Variants in ALG9 observed in about 807,000 individuals in gnomAD.
ALG9 encodes the protein ALG9 alpha-1,2-mannosyltransferase.
Under a neutral mutation model 81.8 loss-of-function variants are expected in ALG9, and 55 were observed. The observed-to-expected ratio is 0.67, with a 90% confidence interval of 0.54 to 0.84. The LOEUF is 0.84. ALG9 is among the 40% of genes least tolerant of loss of function. ALG9 has a pLI of 0.00. For synonymous variants in ALG9, 278 were observed against 274.3 expected (o/e 1.01, Z -0.13); for missense variants, 629 against 745.0 (o/e 0.84, Z 1.81).
At chr11:111,860,199 G>A (rs913161044) in intron 5 of ALG9, among the ~76,000 whole-genome samples, 3 of 152,150 alleles carry the variant, frequency 2.0e-5, no homozygotes, top group Non-Finnish European at 4.4e-5. Flanking sequence ...GAGGTGGGTG[G>A]TTGATGCAAG....
intron 1 of ALG9, 72 bp downstream of exon 1, chr11:111,871,280 C>A: frequency 1.3e-5 from 18 of 1,363,166 alleles, no homozygotes; most frequent in Non-Finnish European, 1.7e-5. Context: ...CGCGCCACAG[C>A]TAAGACCCTC....
At chr11:111,844,830 C>A in intron 8 of ALG9, 107 bp from the exon 9 acceptor site, 1 of 1,275,120 alleles carries the variant, frequency 7.8e-7, no homozygotes, top group Non-Finnish European at 1.1e-6. Context: ...GATCCTATGC[C>A]TCATGGGAAT....
rs782188015 is a variant in ALG9, at chr11:111,853,740, T to C, written c.702-4A>G. 6 of 1,612,164 alleles carry C rather than the reference T, an allele frequency of 3.7e-6. No individual in the cohort carries two copies. Among genetic ancestry groups the C allele is most frequent in the Middle Eastern group, 1.7e-4 (1 of 6,058 alleles). ...CAAATCAAAGGCAATGGGTAAACTA[T>C]TTAACAGAGAAACAGAGCGGGGAGT... On this transcript the variant is annotated splice_region_variant and splice_polypyrimidine_tract_variant and intron_variant, in intron 6 of 14. Coordinates refer to ENST00000616540, the MANE Select transcript of ALG9 (RefSeq NM_024740.2).
At chr11:111,788,931 CATT>C (rs1946913417) in intron 14 of ALG9, among the ~76,000 whole-genome samples, 1 of 152,020 alleles carries the variant, frequency 6.6e-6, no homozygotes, top group African/African-American at 2.4e-5. Flanking sequence ...TTAATATAGT[CATT>C]GTATATTTCT....
chr11:111,871,256 C>G (rs1315843764), intron 1 of ALG9, 96 bp downstream of exon 1: 28 of 1,329,066 alleles, frequency 2.1e-5, no homozygotes, highest in Non-Finnish European at 2.6e-5. Context: ...GAGGCCAGGC[C>G]GGACTGAGCC....
chr11:111,778,247 C>A (rs1300789893), downstream of ALG9: 1 of 152,114 alleles, frequency 6.6e-6, no homozygotes, highest in South Asian at 2.1e-4. Flanking sequence ...AAGGGCAAGT[C>A]GGCCTGCTCA....
chr11:111,821,252 A>G (rs2136580242), intron 13 of ALG9, among the ~76,000 whole-genome samples: 1 of 152,062 alleles, frequency 6.6e-6, no homozygotes, highest in East Asian at 1.9e-4. Flanking sequence ...GCTCCACGGG[A>G]GGCTTCTGTC....
rs1946138787 is a variant in ALG9, at chr11:111,783,480, T to C, written c.*2917A>G. ...CTCGGGGAAAAAAAATAATAATCTGTAGTCCCACATCCCTCTATACTCCAC... is the reference window on the plus strand; with the variant it reads ...CTCGGGGAAAAAAAATAATAATCTGCAGTCCCACATCCCTCTATACTCCAC... On this transcript the variant is annotated 3_prime_UTR_variant, in exon 15 of 15. Transcript: ENST00000616540. The C allele has an allele frequency of 6.6e-6, 1 of 152,018 alleles. No individual in the cohort carries two copies. The highest frequency in any genetic ancestry group is 2.4e-5 in the African/African-American group (1 of 41,366). The allele number at this position is 152,018 out of a possible 1,614,324, so 9.4% of individuals were successfully genotyped here.
At chr11:111,779,127 T>G (rs1945788520), downstream of ALG9, among the ~76,000 whole-genome samples, 1 of 151,946 alleles carries the variant, frequency 6.6e-6, no homozygotes, top group African/African-American at 2.4e-5. Flanking sequence ...AGTGGCAAAT[T>G]TTTTAATGAT....
downstream of ALG9, among the ~76,000 whole-genome samples, chr11:111,778,881 C>A (rs994762404): frequency 6.6e-6 from 1 of 151,472 alleles, no homozygotes; most frequent in Non-Finnish European, 1.5e-5. Flanking sequence ...AGGATGCTAC[C>A]TTGGTTCGCC....
chr11:111,815,529 A>G (rs1298109474), intron 13 of ALG9, among the ~76,000 whole-genome samples: 2 of 152,222 alleles, frequency 1.3e-5, no homozygotes, highest in Non-Finnish European at 2.9e-5. Flanking sequence ...CAAACACACA[A>G]GGACAAAGGC....
At position 111,799,094 on chromosome 11, in the gene ALG9, C is replaced by G. The variant is rs566041280; in HGVS notation, c.1733+10549G>C. 6.6e-5 allele frequency among the ~76,000 whole-genome samples: 10 copies of G among 152,304 alleles called. No homozygotes were observed. In the South Asian group the frequency reaches 2.1e-3, roughly 32 times the overall value. ...GCCCCAATCACAAAATTGTCCCAAT[C>G]ATCTTTAGGTTGCAACTCCCTGAAG... On this transcript the variant is annotated intron_variant, in intron 14 of 14. Transcript: ENST00000616540.
At chr11:111,803,182 C>T (rs2076916114) in intron 14 of ALG9, among the ~76,000 whole-genome samples, 1 of 151,960 alleles carries the variant, frequency 6.6e-6, no homozygotes, top group African/African-American at 2.4e-5. Context: ...GGCAAAAGAC[C>T]CAGAATCCAC....
At chr11:111,835,673 T>A (rs1555116777) in intron 13 of ALG9, among the ~76,000 whole-genome samples, 1 of 152,142 alleles carries the variant, frequency 6.6e-6, no homozygotes, top group Non-Finnish European at 1.5e-5. Flanking sequence ...ACATAGAAAA[T>A]AAAGAGGTTA....
intron 14 of ALG9, among the ~76,000 whole-genome samples, chr11:111,794,923 A>G (rs898857983): frequency 1.3e-5 from 2 of 152,252 alleles, no homozygotes; most frequent in Non-Finnish European, 1.5e-5. Context: ...CTATAGTTCC[A>G]TATCAAGCAA....
At chr11:111,790,595 T>C (rs1565589076) in intron 14 of ALG9, among the ~76,000 whole-genome samples, 2 of 152,154 alleles carry the variant, frequency 1.3e-5, no homozygotes, top group Non-Finnish European at 2.9e-5. Flanking sequence ...GAAAATGCAA[T>C]ATATGTACCA....
Position 111,826,066 on chromosome 11 carries a change from C to CAATAATAATAATAATAATAAT in ALG9, c.1602+10078_1602+10098dup, listed in dbSNP as rs4026118. Among the ~76,000 whole-genome samples the CAATAATAATAATAATAATAAT allele has an allele frequency of 2.7e-3, 361 of 132,670 alleles. 1 individual carries two copies. Among genetic ancestry groups the CAATAATAATAATAATAATAAT allele is most frequent in the African/African-American group, 7.0e-3 (243 of 34,794 alleles). 87.0% of individuals were successfully genotyped at this position (132,670 alleles called of 152,430 possible). A position where few individuals can be genotyped will look rare whatever the true frequency, so the allele number is the denominator to read the frequency against. ...GGGCAACAAGAGCAAAACTCCGTCTCAATAATAATAATAATAATAATAATA... is the reference window on the plus strand; with the variant it reads ...GGGCAACAAGAGCAAAACTCCGTCTCAATAATAATAATAATAATAATAATAATAATAATAATAATAATAATA... On this transcript the variant is annotated intron_variant, in intron 13 of 14. Coordinates refer to ENST00000616540, the MANE Select transcript of ALG9 (RefSeq NM_024740.2).
the ALG9 span, chr11:111,768,897 A>T: frequency 1.3e-5 from 2 of 151,588 alleles, no homozygotes; most frequent in Non-Finnish European, 2.9e-5. Flanking sequence ...CATGCTGCCC[A>T]GGCTAAAAAT....
rs546672742 is a variant in ALG9 at position 111,853,734 on chromosome 11, A to G, written c.704T>C (p.Leu235Ser). 3.7e-6 allele frequency: 6 copies of G among 1,613,364 alleles called. No homozygotes were observed. The South Asian group carries it at 5.5e-5, about 15-fold the overall frequency. Residue 235 changes from leucine to serine, a missense_variant and splice_region_variant, in exon 7 of 15, where the codon TTA (leucine) becomes TCA (serine). Leu to Ser is a moderately radical substitution (Grantham distance 145). This residue lies in a region of ALG9 where 344 missense variants were observed against 390.5 expected (regional missense o/e 0.88). Coordinates refer to ENST00000616540, the MANE Select transcript of ALG9 (RefSeq NM_024740.2). ...LGWPFSAALG[L>S]PIAFDLLVMK... ...GACCAGCAAATCAAAGGCAATGGGT[A>G]AACTATTTAACAGAGAAACAGAGCG... is the stretch of plus-strand genomic sequence containing the variant.
Sources: allele counts gnomAD v4.1 joint callset (sites outside exome capture counted in the v4.1 genomes callset), GRCh38; gene constraint gnomAD v4.1.1; regional missense constraint gnomAD v4.1.1; transcripts MANE v1.5; gene names NCBI Gene and HGNC (gene_info 2026-07-23, HGNC 2026-07-21).